AGBL4: variants seen among roughly 807,000 people sequenced by gnomAD.
The protein encoded by AGBL4 is cytosolic carboxypeptidase 6.
A neutral mutation model predicts 66.4 loss-of-function variants in AGBL4; 58 were observed. The ratio of observed to expected loss-of-function variants is 0.87; its 90% CI spans 0.71 to 1.09. The LOEUF is 1.09. Ranked by LOEUF, AGBL4 falls within the 50% of genes least tolerant of loss-of-function variation. The probability of loss-of-function intolerance (pLI) is 0.00; values close to 1 mark genes in which losing one functional copy is unlikely to be tolerated. For missense variants in AGBL4, 579 were observed against 631.0 expected, an observed-to-expected ratio of 0.92 and a Z score of 0.88; for synonymous variants, 234 against 222.9, an observed-to-expected ratio of 1.05 and a Z score of -0.44.
intron 6 of AGBL4, among the ~76,000 whole-genome samples, chr1:48,666,539 TACACAG>T (rs1304986178): frequency 6.6e-6 from 1 of 152,230 alleles, no homozygotes; most frequent in Non-Finnish European, 1.5e-5. Context: ...CACACACACA[TACACAG>T]ACACACCTTT....
chr1:50,022,524 C>T (rs948838746), intron 1 of AGBL4, among the ~76,000 whole-genome samples: 5 of 151,816 alleles, frequency 3.3e-5, no homozygotes, highest in East Asian at 3.9e-4. Flanking sequence ...ATAATGAAGG[C>T]CTTGAGACAT....
chr1:48,972,877 G>A (rs1659023210), intron 5 of AGBL4, among the ~76,000 whole-genome samples: 1 of 152,076 alleles, frequency 6.6e-6, no homozygotes, highest in Admixed American at 6.6e-5. Context: ...ACGCAGTAAG[G>A]GCTGCAACAG....
intron 3 of AGBL4, among the ~76,000 whole-genome samples, chr1:49,390,673 G>A (rs531722947): frequency 1.3e-5 from 2 of 152,256 alleles, no homozygotes; most frequent in East Asian, 3.9e-4. Flanking sequence ...GAACACCAAA[G>A]TCTATATTCT....
At chr1:49,548,972 G>T (rs1652733694) in intron 3 of AGBL4, among the ~76,000 whole-genome samples, 1 of 151,840 alleles carries the variant, frequency 6.6e-6, no homozygotes, top group Non-Finnish European at 1.5e-5. Flanking sequence ...TCTGTTCATG[G>T]TATCTCATTC....
In AGBL4 at chr1:48,648,596, C is replaced by T. The variant is rs570977074; in HGVS notation, c.839+4741G>A. Among the ~76,000 whole-genome samples the T allele has an allele frequency of 3.3e-5, 5 of 152,262 alleles. No individual in the cohort carries two copies. The South Asian group carries it at 1.0e-3, about 32-fold the overall frequency. ...TAGCTTATAGAGCAAAGGCAATGTG[C>T]GGGAGTGTGGCGAGTCCCTGGATGT... is the stretch of plus-strand genomic sequence containing the variant. On this transcript the variant is annotated intron_variant, in intron 8 of 13. Coordinates refer to ENST00000371839, the MANE Select transcript of AGBL4 (RefSeq NM_032785.4).
At chr1:48,658,760 A>C (rs1646059972) in intron 7 of AGBL4, among the ~76,000 whole-genome samples, 1 of 152,142 alleles carries the variant, frequency 6.6e-6, no homozygotes, top group Non-Finnish European at 1.5e-5. Flanking sequence ...AGCAAAGGTC[A>C]CTACCTCATT....
intron 4 of AGBL4, among the ~76,000 whole-genome samples, chr1:49,090,631 G>A (rs1644985889): frequency 6.6e-6 from 1 of 152,154 alleles, no homozygotes; most frequent in Non-Finnish European, 1.5e-5. Flanking sequence ...TGGATAGGAA[G>A]ATTCAATATT....
intron 6 of AGBL4, among the ~76,000 whole-genome samples, chr1:48,667,887 G>A (rs914182903): frequency 1.3e-5 from 2 of 152,168 alleles, no homozygotes; most frequent in African/African-American, 2.4e-5. Context: ...CATATTGTCA[G>A]TTTTGTTTCC....
chr1:48,639,013 T>C (rs1645713715), intron 8 of AGBL4, among the ~76,000 whole-genome samples: 2 of 152,178 alleles, frequency 1.3e-5, no homozygotes, highest in Admixed American at 6.5e-5. Context: ...CTGGACTTCA[T>C]AGTCTCCCCA....
intron 6 of AGBL4, among the ~76,000 whole-genome samples, chr1:48,732,753 T>C (rs1648347963): frequency 6.6e-6 from 1 of 152,044 alleles, no homozygotes; most frequent in Non-Finnish European, 1.5e-5. Context: ...GAGTACAGAT[T>C]TCAACCCAAA....
At chr1:48,841,383 C>A in intron 6 of AGBL4, among the ~76,000 whole-genome samples, 2 of 142,514 alleles carry the variant, frequency 1.4e-5, no homozygotes, top group African/African-American at 2.6e-5. Context: ...GTTATTCAAA[C>A]TATCTCTTAC....
chr1:49,340,423 C>A (rs1175507548), intron 3 of AGBL4, among the ~76,000 whole-genome samples: 1 of 151,992 alleles, frequency 6.6e-6, no homozygotes, highest in Non-Finnish European at 1.5e-5. Context: ...TTAATAAAGC[C>A]AAATCCTATC....
At chr1:49,129,662 C>T (rs1345535657) in intron 4 of AGBL4, among the ~76,000 whole-genome samples, 1 of 152,068 alleles carries the variant, frequency 6.6e-6, no homozygotes, top group East Asian at 1.9e-4. Flanking sequence ...TTTATGGCTG[C>T]ATAGTATTCC....
chr1:48,939,660 A>T (rs1259485988), intron 5 of AGBL4, among the ~76,000 whole-genome samples: 2 of 152,168 alleles, frequency 1.3e-5, no homozygotes, highest in African/African-American at 2.4e-5. Context: ...TATAGCCAAG[A>T]TGAAGCAAAT....
At chr1:50,001,772 A>C (rs1337403931) in intron 1 of AGBL4, among the ~76,000 whole-genome samples, 1 of 152,178 alleles carries the variant, frequency 6.6e-6, no homozygotes, top group Non-Finnish European at 1.5e-5. Flanking sequence ...TGGATTTTCC[A>C]AAGTCAGAAA....
At chr1:49,015,096 A>C (rs1293260020) in intron 5 of AGBL4, among the ~76,000 whole-genome samples, 2 of 152,166 alleles carry the variant, frequency 1.3e-5, no homozygotes, top group African/African-American at 4.8e-5. Flanking sequence ...TCTTGCACAA[A>C]GTGGTTTTTC....
intron 1 of AGBL4, among the ~76,000 whole-genome samples, chr1:49,862,360 A>G (rs1646594661): frequency 6.6e-6 from 1 of 152,002 alleles, no homozygotes; most frequent in South Asian, 2.1e-4. Context: ...AGACAAAAAA[A>G]AAAAAACAAT....
intron 2 of AGBL4, among the ~76,000 whole-genome samples, chr1:49,719,171 C>T (rs956303902): frequency 3.3e-5 from 5 of 151,870 alleles, no homozygotes; most frequent in Admixed American, 3.3e-4. Flanking sequence ...GATGAAGAGC[C>T]CCTGGAAATA....
intron 11 of AGBL4, among the ~76,000 whole-genome samples, chr1:48,543,865 T>C (rs1644116984): frequency 6.6e-6 from 1 of 152,216 alleles, no homozygotes; most frequent in Non-Finnish European, 1.5e-5. Context: ...TAATGAAGGC[T>C]ATTTTATCTC....
Sources: allele counts gnomAD v4.1 joint callset (sites outside exome capture counted in the v4.1 genomes callset), GRCh38; gene constraint gnomAD v4.1.1; transcripts MANE v1.5; gene names NCBI Gene and HGNC (gene_info 2026-07-23, HGNC 2026-07-21).